Variants in PDE10A observed in about 807,000 individuals in gnomAD.
PDE10A encodes the protein phosphodiesterase 10A.
PDE10A carries 39 observed loss-of-function variants against 97.7 expected under a neutral mutation model. The ratio of observed to expected loss-of-function variants is 0.40; its 90% CI spans 0.31 to 0.52. The LOEUF is 0.52. Ranked by LOEUF, PDE10A falls within the 20% of genes least tolerant of loss-of-function variation. The probability of loss-of-function intolerance (pLI) is 0.56; values close to 1 mark genes in which losing one functional copy is unlikely to be tolerated. For synonymous variants in PDE10A, 371 were observed against 376.8 expected, an observed-to-expected ratio of 0.98 and a Z score of 0.18; for missense variants, 731 against 1,047.8, an observed-to-expected ratio of 0.70 and a Z score of 4.17.
intron 5 of PDE10A, among the ~76,000 whole-genome samples, chr6:165,445,442 C>T (rs562326848): frequency 1.3e-5 from 2 of 152,272 alleles, no homozygotes; most frequent in South Asian, 4.1e-4. Flanking sequence ...GATCTTCTCC[C>T]AGGAAAGCCA....
chr6:165,849,997 C>G (rs1478541663), intron 1 of PDE10A, among the ~76,000 whole-genome samples: 4 of 152,176 alleles, frequency 2.6e-5, no homozygotes. Flanking sequence ...ATCATTTTCC[C>G]GCTTCCCCAA....
At chr6:165,817,064 C>T (rs1779437902) in intron 1 of PDE10A, among the ~76,000 whole-genome samples, 2 of 152,126 alleles carry the variant, frequency 1.3e-5, no homozygotes, top group African/African-American at 4.8e-5. Flanking sequence ...AGCCAACAAC[C>T]GTGCTCAGGA....
At chr6:165,672,398 G>A (rs142615805) in intron 1 of PDE10A, among the ~76,000 whole-genome samples, 5 of 152,142 alleles carry the variant, frequency 3.3e-5, no homozygotes, top group African/African-American at 1.2e-4. Flanking sequence ...ATTACAGTTG[G>A]GCAAAACTAC....
chr6:165,737,523 A>C (rs1792608175), intron 1 of PDE10A, among the ~76,000 whole-genome samples: 1 of 152,224 alleles, frequency 6.6e-6, no homozygotes, highest in Non-Finnish European at 1.5e-5. Context: ...GTGATATACT[A>C]CATTAACAGA....
chr6:165,834,800 A>G (rs1780024645), intron 1 of PDE10A, among the ~76,000 whole-genome samples: 1 of 152,216 alleles, frequency 6.6e-6, no homozygotes, highest in South Asian at 2.1e-4. Flanking sequence ...GTGGCCAGGC[A>G]TTGTGCCAGC....
At chr6:165,614,959 A>C (rs796567192) in intron 1 of PDE10A, among the ~76,000 whole-genome samples, 1 of 152,238 alleles carries the variant, frequency 6.6e-6, no homozygotes, top group African/African-American at 2.4e-5. Context: ...CGCCTGTAAT[A>C]CTAGCACTCT....
intron 1 of PDE10A, among the ~76,000 whole-genome samples, chr6:165,935,751 G>T (rs1244557197): frequency 2.6e-5 from 4 of 152,194 alleles, no homozygotes; most frequent in African/African-American, 9.6e-5. Context: ...TATATCAGGG[G>T]TGTGTTAGTG....
At chr6:165,909,677 G>C (rs1002946251) in intron 1 of PDE10A, among the ~76,000 whole-genome samples, 11 of 152,302 alleles carry the variant, frequency 7.2e-5, no homozygotes, top group Admixed American at 1.3e-4. Flanking sequence ...CTTCTCACCT[G>C]CTCCTCTTGC....
intron 1 of PDE10A, among the ~76,000 whole-genome samples, chr6:165,779,423 C>G (rs940325963): frequency 7.9e-5 from 12 of 152,110 alleles, no homozygotes; most frequent in Admixed American, 6.5e-5. Flanking sequence ...CCCTGCATCC[C>G]CAAAGTCACA....
intron 18 of PDE10A, among the ~76,000 whole-genome samples, chr6:165,368,310 T>C (rs761508449): frequency 7.9e-5 from 12 of 152,238 alleles, no homozygotes; most frequent in Non-Finnish European, 1.8e-4. Flanking sequence ...TTTCTTAAAT[T>C]CTTTAATAAT....
chr6:165,639,905 T>C (rs577655894), intron 1 of PDE10A, among the ~76,000 whole-genome samples: 4 of 151,904 alleles, frequency 2.6e-5, no homozygotes, highest in Admixed American at 2.0e-4. Flanking sequence ...TTGTCTTCTA[T>C]AGAGAATTTT....
intron 1 of PDE10A, among the ~76,000 whole-genome samples, chr6:165,801,486 G>A (rs112329366): frequency 6.6e-5 from 10 of 152,270 alleles, no homozygotes; most frequent in African/African-American, 1.9e-4. Flanking sequence ...CAGAGGTTGT[G>A]GTGAGCCAAG....
At chr6:165,829,752 G>A (rs1779857986) in intron 1 of PDE10A, among the ~76,000 whole-genome samples, 2 of 152,198 alleles carry the variant, frequency 1.3e-5, no homozygotes, top group African/African-American at 4.8e-5. Flanking sequence ...GCTGACCTGA[G>A]CCCTCTCCTG....
At chr6:165,826,579 C>A (rs943524778) in intron 1 of PDE10A, among the ~76,000 whole-genome samples, 22 of 150,932 alleles carry the variant, frequency 1.5e-4, no homozygotes, top group African/African-American at 5.1e-4. Flanking sequence ...CGCCACGCCC[C>A]CAGGTATGTA....
intron 1 of PDE10A, among the ~76,000 whole-genome samples, chr6:165,828,097 A>G (rs1284790141): frequency 6.6e-6 from 1 of 152,234 alleles, no homozygotes; most frequent in African/African-American, 2.4e-5. Context: ...CAGAAGAAAA[A>G]TGATCAAAAT....
intron 1 of PDE10A, among the ~76,000 whole-genome samples, chr6:165,698,800 C>T (rs1470814961): frequency 6.6e-6 from 1 of 152,090 alleles, no homozygotes; most frequent in East Asian, 1.9e-4. Flanking sequence ...GAGATCACTC[C>T]ACCGCACTCC....
intron 1 of PDE10A, among the ~76,000 whole-genome samples, chr6:165,969,112 G>A (rs1009237744): frequency 6.6e-6 from 1 of 152,176 alleles, no homozygotes; most frequent in African/African-American, 2.4e-5. Context: ...AAAGATATGA[G>A]GTATAACGTT....
intron 5 of PDE10A, among the ~76,000 whole-genome samples, chr6:165,438,623 A>T (rs1790212559): frequency 6.6e-6 from 1 of 152,196 alleles, no homozygotes. Context: ...ATCCTGACTT[A>T]GTTCTTAGTA....
At chr6:165,376,292 A>G (rs1784598409) in intron 18 of PDE10A, among the ~76,000 whole-genome samples, 1 of 152,238 alleles carries the variant, frequency 6.6e-6, no homozygotes, top group Non-Finnish European at 1.5e-5. Context: ...AAACTAGTGG[A>G]GCCTGAAAAT....
Sources: gnomAD v4.1 joint callset for allele counts (sites outside exome capture counted in the v4.1 genomes callset) on GRCh38, gnomAD v4.1.1 for gene constraint, MANE v1.5 for transcripts, NCBI Gene and HGNC (gene_info 2026-07-23, HGNC 2026-07-21) for gene names.